ACTN1: variants seen among roughly 807,000 people sequenced by gnomAD.
ACTN1 encodes actinin alpha 1.
In ACTN1, 30 loss-of-function variants were observed where a neutral mutation model predicts 119.6. That is an observed-to-expected ratio of 0.25 (90% confidence interval 0.19 to 0.34). The LOEUF is 0.34. ACTN1 is among the 10% of genes least tolerant of loss of function. The probability of loss-of-function intolerance (pLI) is 1.00; values close to 1 mark genes in which losing one functional copy is unlikely to be tolerated. For missense variants in ACTN1, 764 were observed against 1,223.4 expected (o/e 0.62, Z 5.60); for synonymous variants, 429 against 472.6 (o/e 0.91, Z 1.20).
chr14:68,968,268 C>T lies in ACTN1; in HGVS notation c.105+10684G>A, dbSNP rs146223880. On this transcript the variant is annotated intron_variant, in intron 1 of 21. Transcript: ENST00000394419. ...CAGGGTGGCAGGTGTAACATACGAA[C>T]GCCACCGCAGAGGCAGGAAGCCGGG... is the stretch of plus-strand genomic sequence containing the variant. Among the ~76,000 whole-genome samples, 61 of 152,312 alleles carry T rather than the reference C, an allele frequency of 4.0e-4. 1 individual carries two copies. The East Asian group carries it at 0.01, about 26-fold the overall frequency.
At chr14:68,918,325 T>C (rs1002799096) in intron 3 of ACTN1, among the ~76,000 whole-genome samples, 2 of 152,190 alleles carry the variant, frequency 1.3e-5, no homozygotes, top group African/African-American at 2.4e-5. Context: ...CTCACGCCTG[T>C]AATCCCAGCA....
intron 1 of ACTN1, among the ~76,000 whole-genome samples, chr14:68,936,442 TTGCTTTTCACAGAATA>T (rs2035515471): frequency 6.6e-6 from 1 of 151,740 alleles, no homozygotes; most frequent in Non-Finnish European, 1.5e-5. Flanking sequence ...TAGAGAACAC[TTGCTTTTCACAGAATA>T]TGCTTTTGTT....
intron 8 of ACTN1, among the ~76,000 whole-genome samples, chr14:68,898,931 C>T (rs1448420556): frequency 3.3e-5 from 5 of 150,488 alleles, no homozygotes; most frequent in Admixed American, 1.3e-4. Context: ...CTCACACATG[C>T]CACACCCACA....
intron 4 of ACTN1, among the ~76,000 whole-genome samples, chr14:68,911,809 G>A (rs1364260491): frequency 1.3e-5 from 2 of 152,172 alleles, no homozygotes; most frequent in African/African-American, 4.8e-5. Context: ...TGGAGGACGG[G>A]GTTAGCGCCC....
Position 68,882,668 on chromosome 14 carries a change from C to T in ACTN1, c.1819-76G>A, listed in dbSNP as rs1423895569. The T allele has an allele frequency of 5.0e-6, 8 of 1,593,336 alleles. No individual in the cohort carries two copies. The African/African-American group carries it at 1.1e-4, about 21-fold the overall frequency. On this transcript the variant is annotated intron_variant, in intron 15 of 21. Coordinates refer to ENST00000394419, the MANE Select transcript of ACTN1 (RefSeq NM_001130004.2). The surrounding 1 kb of genome is among the most constrained non-coding windows in gnomAD (Gnocchi z 4.5). ...ATGTGCCAGATGAGGAAATGGAGGA[C>T]CCAGAAGGGGAAGGGCCGGTCAGTA...
Position 68,884,238 on chromosome 14 carries a change from T to C in ACTN1, c.1565A>G (p.Asn522Ser). The change falls in exon 14 of 22, where the codon AAC becomes AGC. Residue 522 changes from asparagine (N) to serine (S), a missense_variant. Asn to Ser is a conservative substitution (Grantham distance 46). Around this residue, in one of 4 missense-constraint regions of ACTN1, gnomAD observed 544 missense variants for 912.0 expected, o/e 0.60. Coordinates refer to ENST00000394419, the MANE Select transcript of ACTN1 (RefSeq NM_001130004.2). ...CTCCATGGCCCCCTCCATCCAGTTG[T>C]TGAAGGGTGCAGCCCGCTTGGCATA... ...LEYAKRAAPF[N>S]NWMEGAMEDL... 6.2e-7 allele frequency: 1 copy of C among 1,613,940 alleles called. No individual in the cohort carries two copies. Among genetic ancestry groups the C allele is most frequent in the Non-Finnish European group, 8.5e-7 (1 of 1,179,950 alleles).
chr14:68,906,813 G>A (rs1256166879), intron 6 of ACTN1, among the ~76,000 whole-genome samples: 1 of 152,140 alleles, frequency 6.6e-6, no homozygotes, highest in Non-Finnish European at 1.5e-5. Flanking sequence ...GGATTTTACT[G>A]ATGATGATAC....
chr14:68,890,122 G>A lies in ACTN1; in HGVS notation c.1234+17C>T. On this transcript the variant is annotated intron_variant, in intron 11 of 21. Transcript: ENST00000394419. ...AGTGAAGCCCTGGGGGGAGGCAGGA[G>A]GCTGGGCTGGCCTCACCGTCAGTCC... 2 of 1,604,064 alleles carry A rather than the reference G, an allele frequency of 1.2e-6. No homozygotes were observed. The highest frequency in any genetic ancestry group is 1.7e-6 in the Non-Finnish European group (2 of 1,175,906).
intron 1 of ACTN1, among the ~76,000 whole-genome samples, chr14:68,954,887 C>A (rs2036300838): frequency 6.6e-6 from 1 of 152,198 alleles, no homozygotes; most frequent in Non-Finnish European, 1.5e-5. Context: ...GTTGCTTTGA[C>A]TGGAAGATTT....
At chr14:68,883,574 C>A (rs187429754) in intron 14 of ACTN1, among the ~76,000 whole-genome samples, 1 of 152,110 alleles carries the variant, frequency 6.6e-6, no homozygotes, top group East Asian at 1.9e-4. Context: ...GAGTTCGAGA[C>A]CAGCCTGAGC....
chr14:68,977,809 C>T (rs994234508), intron 1 of ACTN1: 1 of 368,620 alleles, frequency 2.7e-6, no homozygotes, highest in Non-Finnish European at 5.5e-6. Context: ...GTCCCCCCCC[C>T]ACCCAAAACC....
chr14:68,876,273 G>A lies in ACTN1; in HGVS notation c.2586+809C>T, dbSNP rs1317140239. On this transcript the variant is annotated intron_variant, in intron 21 of 21. Coordinates refer to ENST00000394419, the MANE Select transcript of ACTN1 (RefSeq NM_001130004.2). ...CTCCCAAAGTACTGGAATTACAGGC[G>A]TGAGCCACTGTGCCTGGCCTGAATC... is the stretch of plus-strand genomic sequence containing the variant. 3.3e-5 allele frequency among the ~76,000 whole-genome samples: 5 copies of A among 152,292 alleles called. No homozygotes were observed. The East Asian group carries it at 5.8e-4, about 18-fold the overall frequency.
At chr14:68,932,883 AC>A (rs935825136) in intron 1 of ACTN1, among the ~76,000 whole-genome samples, 2 of 151,888 alleles carry the variant, frequency 1.3e-5, no homozygotes, top group African/African-American at 4.8e-5. Flanking sequence ...AGCAAAATTC[AC>A]CCCTCAGTTC....
chr14:68,936,812 G>T, intron 1 of ACTN1: 1 of 604,504 alleles, frequency 1.7e-6, no homozygotes. Flanking sequence ...CCAACGCCAA[G>T]CAATCCCAGA....
chr14:68,897,807 G>T (rs1057502989), intron 8 of ACTN1, among the ~76,000 whole-genome samples: 2 of 152,236 alleles, frequency 1.3e-5, no homozygotes, highest in Non-Finnish European at 2.9e-5. Context: ...GCTTCCTCAC[G>T]GTGAGTGGGC....
chr14:68,877,248 G>A lies in ACTN1; in HGVS notation c.2428-8C>T. 2 of 1,613,982 alleles carry A rather than the reference G, an allele frequency of 1.2e-6. No individual in the cohort carries two copies. The highest frequency in any genetic ancestry group is 1.7e-6 in the Non-Finnish European group (2 of 1,179,974). ...GGCAAATTCTGCTTCTCCCTGGAGG[G>A]AACAGCCAAACCCAGGCCTGTCAGC... On this transcript the variant is annotated splice_region_variant and splice_polypyrimidine_tract_variant and intron_variant, in intron 20 of 21. Coordinates refer to ENST00000394419, the MANE Select transcript of ACTN1 (RefSeq NM_001130004.2).
Position 68,877,086 on chromosome 14 carries a change from T to TCCC in ACTN1, c.2579_2581dup (p.Gly860dup). On this transcript the variant is annotated inframe_insertion, in exon 21 of 22. Coordinates refer to ENST00000394419, the MANE Select transcript of ACTN1 (RefSeq NM_001130004.2). The stretch of plus-strand genomic sequence containing the variant: ...GCCCACCCATAGGACACCCACCTTG[T>TCCC]CCCCAGCCAGGATCTTGAAGGAAGC... 6.2e-7 allele frequency: 1 copy of TCCC among 1,614,008 alleles called. No homozygotes were observed. The highest frequency in any genetic ancestry group is 8.5e-7 in the Non-Finnish European group (1 of 1,179,978).
chr14:68,887,019 T>A (rs188784364), intron 11 of ACTN1: 315 of 164,496 alleles, frequency 1.9e-3, no homozygotes, highest in Non-Finnish European at 3.3e-3. Flanking sequence ...TGAAGATCAG[T>A]ACAGACGTTT....
At position 68,879,553 on chromosome 14, in the gene ACTN1, T is replaced by C. The variant is rs993014256; in HGVS notation, c.2280+409A>G. ...GATGGGAACCCAGGACCAAGGCCTC[T>C]GACATCCCCAGCAGAGTCCCAGAGG... On this transcript the variant is annotated intron_variant, in intron 18 of 21. Coordinates refer to ENST00000394419, the MANE Select transcript of ACTN1 (RefSeq NM_001130004.2). The surrounding 1 kb of genome is among the most constrained non-coding windows in gnomAD (Gnocchi z 4.9). Among the ~76,000 whole-genome samples, 1 of 152,138 alleles carries C rather than the reference T, an allele frequency of 6.6e-6. No individual in the cohort carries two copies. Among genetic ancestry groups the C allele is most frequent in the African/African-American group, 2.4e-5 (1 of 41,438 alleles).
Sources: gnomAD v4.1 joint callset for allele counts (sites outside exome capture counted in the v4.1 genomes callset) on GRCh38, gnomAD v4.1.1 for gene constraint, gnomAD v4.1.1 regional missense constraint, Gnocchi (gnomAD v3.1) non-coding constraint, MANE v1.5 for transcripts, NCBI Gene and HGNC (gene_info 2026-07-23, HGNC 2026-07-21) for gene names.